The following PPME1 variants were observed in gnomAD, a reference collection of about 807,000 sequenced individuals.
PPME1 encodes the protein testicular secretory protein Li 39.
In PPME1, 17 loss-of-function variants were observed where a neutral mutation model predicts 56.9. The observed-to-expected ratio is 0.30, with a 90% CI of 0.20 to 0.45. The LOEUF (loss-of-function observed/expected upper bound fraction) is 0.45. Among genes scored for constraint, PPME1 ranks in the 20% least tolerant of loss-of-function variants. The pLI, the probability that PPME1 is intolerant of heterozygous loss-of-function variation, is 1.00. For synonymous variants in PPME1, 122 were observed against 156.2 expected, an observed-to-expected ratio of 0.78 and a Z score of 1.63; for missense variants, 357 against 483.2, an observed-to-expected ratio of 0.74 and a Z score of 2.45.
intron 7 of PPME1, chr11:74,235,695 A>C: frequency 1.4e-6 from 1 of 710,980 alleles, no homozygotes; most frequent in Non-Finnish European, 2.2e-6. Context: ...TGCAGAACTG[A>C]AATGGCTATG....
chr11:74,203,092 G>T (rs1309861677), intron 1 of PPME1, among the ~76,000 whole-genome samples: 3 of 152,004 alleles, frequency 2.0e-5, no homozygotes, highest in African/African-American at 7.2e-5. Context: ...ATGGATATTA[G>T]ATTTTTTCCA....
chr11:74,208,191 AG>A (rs1205248967), intron 3 of PPME1, among the ~76,000 whole-genome samples: 4 of 152,212 alleles, frequency 2.6e-5, no homozygotes, highest in Admixed American at 2.0e-4. Context: ...ACACACCAGT[AG>A]TCCCAGCTAC....
Position 74,230,085 on chromosome 11 carries a change from A to T in PPME1, c.399-160A>T, listed in dbSNP as rs1464389292. On this transcript the variant is annotated intron_variant, in intron 5 of 13. Transcript: ENST00000328257. This position sits in a 1 kb window ranked among gnomAD's most constrained non-coding sequence, Gnocchi z 4.9. Reference sequence around the variant, plus strand: ...GTGGCTACACATATTGATGCTGGGGACATGTTAGAAGGTTTACATAGGTAT... The same window carrying T: ...GTGGCTACACATATTGATGCTGGGGTCATGTTAGAAGGTTTACATAGGTAT... 6.6e-6 allele frequency among the ~76,000 whole-genome samples: 1 copy of T among 152,184 alleles called. No homozygotes were observed. Among genetic ancestry groups the T allele is most frequent in the African/African-American group, 2.4e-5 (1 of 41,438 alleles).
intron 1 of PPME1, among the ~76,000 whole-genome samples, chr11:74,192,473 G>A (rs761452405): frequency 6.6e-6 from 1 of 152,088 alleles, no homozygotes; most frequent in Non-Finnish European, 1.5e-5. Context: ...GACTTTGGGG[G>A]AACTATTGAG....
intron 1 of PPME1, among the ~76,000 whole-genome samples, chr11:74,182,824 A>G (rs561936416): frequency 2.6e-5 from 4 of 152,230 alleles, no homozygotes; most frequent in South Asian, 4.1e-4. Context: ...TGGGTGTTCA[A>G]TCGGGTGGGT....
chr11:74,223,778 T>G (rs1858863065), intron 4 of PPME1, among the ~76,000 whole-genome samples: 3 of 140,756 alleles, frequency 2.1e-5, no homozygotes, highest in South Asian at 5.0e-4. Context: ...TCGCCCACTT[T>G]TTGATGGGGT....
At position 74,253,689 on chromosome 11, in the gene PPME1, C is replaced by A; in HGVS notation, c.*179C>A. On this transcript the variant is annotated 3_prime_UTR_variant, in exon 14 of 14. Transcript: ENST00000328257. ...TGTATTCTGCCAAAAGCATTGTTTT[C>A]CAGGGCCCTTGACCAACATCGGCTT... 1.4e-6 allele frequency: 1 copy of A among 704,136 alleles called. No individual in the cohort carries two copies. The allele number at this position is 704,136 out of a possible 1,614,324, so 43.6% of individuals were successfully genotyped here. A position where few individuals can be genotyped will look rare whatever the true frequency, so the allele number is the denominator to read the frequency against.
At chr11:74,252,505 G>A (rs1319051756) in intron 13 of PPME1, 10 of 456,402 alleles carry the variant, frequency 2.2e-5, no homozygotes, top group East Asian at 2.1e-4. Flanking sequence ...CTCCCTTTCC[G>A]AAGCTGGCAG....
intron 1 of PPME1, among the ~76,000 whole-genome samples, chr11:74,202,062 G>A (rs1331776121): frequency 6.6e-6 from 1 of 152,182 alleles, no homozygotes; most frequent in East Asian, 1.9e-4. Flanking sequence ...AATGCTAGAT[G>A]TATTAGATTC....
chr11:74,235,735 C>A, intron 7 of PPME1, 166 bp from the exon 8 acceptor site: 1 of 1,093,524 alleles, frequency 9.1e-7, no homozygotes, highest in Non-Finnish European at 1.3e-6. Flanking sequence ...ACTTATAAAA[C>A]CATGTAGCCA....
chr11:74,232,699 A>G (rs1162780756), intron 7 of PPME1, among the ~76,000 whole-genome samples: 1 of 146,016 alleles, frequency 6.8e-6, no homozygotes, highest in Non-Finnish European at 1.5e-5. Flanking sequence ...TTTTTGAGAC[A>G]GGGTGTCACT....
chr11:74,243,897 A>T lies in PPME1; in HGVS notation c.835-2179A>T, dbSNP rs576028666. 2.6e-5 allele frequency among the ~76,000 whole-genome samples: 4 copies of T among 152,116 alleles called. No homozygotes were observed. The East Asian group carries it at 7.7e-4, about 29-fold the overall frequency. Reference sequence around the variant, plus strand: ...GTTAATATTCACATTGTTGTGAAACATCTGAGATTTTATGCCTATTAAACA... The same window carrying T: ...GTTAATATTCACATTGTTGTGAAACTTCTGAGATTTTATGCCTATTAAACA... On this transcript the variant is annotated intron_variant, in intron 9 of 13. Coordinates refer to ENST00000328257, the MANE Select transcript of PPME1 (RefSeq NM_016147.3).
At chr11:74,176,721 CTT>C (rs780832040) in intron 1 of PPME1, among the ~76,000 whole-genome samples, 32 of 102,186 alleles carry the variant, frequency 3.1e-4, no homozygotes, top group African/African-American at 1.3e-3. Context: ...GTGTAGTGTC[CTT>C]TTTTTTTTTT....
intron 1 of PPME1, among the ~76,000 whole-genome samples, chr11:74,189,975 C>T (rs1857790953): frequency 6.6e-6 from 1 of 152,236 alleles, no homozygotes; most frequent in African/African-American, 2.4e-5. Context: ...ACAGGTTAAA[C>T]ATTCCTAATC....
At chr11:74,251,973 C>T in intron 13 of PPME1, 1 of 676,378 alleles carries the variant, frequency 1.5e-6, no homozygotes, top group Admixed American at 1.8e-5. Context: ...CTGTGATGTG[C>T]ATTTCTTCTT....
At chr11:74,222,530 C>T in intron 4 of PPME1, 161 bp downstream of exon 4, 1 of 634,102 alleles carries the variant, frequency 1.6e-6, no homozygotes, top group Admixed American at 2.7e-5. Flanking sequence ...ATTCTGTCGC[C>T]CAGGCTGGGG....
At chr11:74,251,793 A>G in intron 13 of PPME1, 78 bp downstream of exon 13, 3 of 1,555,806 alleles carry the variant, frequency 1.9e-6, no homozygotes, top group Non-Finnish European at 2.7e-6. Flanking sequence ...GACTGTAAAT[A>G]TCTCTGCCTT....
Position 74,189,625 on chromosome 11 carries a change from A to C in PPME1, c.102-14103A>C, listed in dbSNP as rs1225999037. On this transcript the variant is annotated intron_variant, in intron 1 of 13. Transcript: ENST00000328257. ...TGCCTACTGGTTTTTAAAATTTAAG[A>C]TATTCTAATCACTTCTTATTAGTAC... Among the ~76,000 whole-genome samples the C allele has an allele frequency of 3.3e-5, 5 of 152,180 alleles. No homozygotes were observed. In the East Asian group the frequency reaches 9.6e-4, roughly 29 times the overall value.
At chr11:74,191,244 G>A (rs1565378198) in intron 1 of PPME1, among the ~76,000 whole-genome samples, 1 of 152,232 alleles carries the variant, frequency 6.6e-6, no homozygotes, top group Admixed American at 6.5e-5. Flanking sequence ...AGAGGCTGAG[G>A]CAGGATGATC....
Sources: allele counts gnomAD v4.1 joint callset (sites outside exome capture counted in the v4.1 genomes callset), GRCh38; gene constraint gnomAD v4.1.1; non-coding constraint Gnocchi (gnomAD v3.1); transcripts MANE v1.5; gene names NCBI Gene and HGNC (gene_info 2026-07-23, HGNC 2026-07-21).